Variants in SNX29 observed in about 807,000 individuals in gnomAD.
The protein encoded by SNX29 is sorting nexin-29.
SNX29 carries 78 observed loss-of-function variants against 102.1 expected under a neutral mutation model. That is an observed-to-expected ratio of 0.76 (90% CI 0.64 to 0.92). SNX29 has a LOEUF of 0.92. Among genes scored for constraint, SNX29 ranks in the 40% least tolerant of loss-of-function variants. SNX29 has a pLI of 0.00. For missense variants in SNX29, 1,280 were observed against 1,061.7 expected (o/e 1.21, Z -2.86); for synonymous variants, 580 against 414.5 (o/e 1.40, Z -4.85).
intron 15 of SNX29, among the ~76,000 whole-genome samples, chr16:12,336,234 TG>T (rs1339227691): frequency 1.3e-5 from 2 of 152,156 alleles, no homozygotes; most frequent in Non-Finnish European, 2.9e-5. Context: ...GAGAAAGCTT[TG>T]GTTTGGCGCT....
intron 15 of SNX29, among the ~76,000 whole-genome samples, chr16:12,291,534 A>G (rs978581507): frequency 2.0e-5 from 3 of 152,208 alleles, no homozygotes; most frequent in Non-Finnish European, 4.4e-5. Context: ...CCATATCAGT[A>G]GGTTTTCCTC....
intron 20 of SNX29, among the ~76,000 whole-genome samples, chr16:12,550,900 C>T (rs1488896569): frequency 2.0e-5 from 3 of 152,148 alleles, no homozygotes; most frequent in African/African-American, 7.2e-5. Context: ...AGGGGAAGCT[C>T]AGAATTGCTG....
intron 20 of SNX29, among the ~76,000 whole-genome samples, chr16:12,560,121 G>A (rs993121785): frequency 1.4e-5 from 2 of 147,958 alleles, no homozygotes; most frequent in African/African-American, 5.0e-5. Flanking sequence ...AGCTATTCTA[G>A]TTCTGTGTTC....
chr16:11,986,686 G>A (rs530085293), intron 1 of SNX29, among the ~76,000 whole-genome samples: 16 of 152,256 alleles, frequency 1.1e-4, no homozygotes, highest in African/African-American at 3.4e-4. Flanking sequence ...GCAAAAGACA[G>A]TCAATTCCAT....
chr16:12,229,849 TG>T (rs2077719436), intron 14 of SNX29, among the ~76,000 whole-genome samples: 1 of 152,218 alleles, frequency 6.6e-6, no homozygotes, highest in South Asian at 2.1e-4. Flanking sequence ...AGCTCAGCTC[TG>T]TCTCATACTG....
chr16:12,177,407 TA>T (rs2076284383), intron 13 of SNX29, among the ~76,000 whole-genome samples: 1 of 152,226 alleles, frequency 6.6e-6, no homozygotes, highest in African/African-American at 2.4e-5. Flanking sequence ...ATATGATTTT[TA>T]TGGCTCCATT....
At chr16:12,368,502 C>T (rs762944830) in intron 16 of SNX29, among the ~76,000 whole-genome samples, 6 of 151,968 alleles carry the variant, frequency 3.9e-5, no homozygotes, top group Non-Finnish European at 5.9e-5. Context: ...AGGAAGACTA[C>T]GGAGATGTAG....
At chr16:12,426,101 A>C (rs1439219544) in intron 18 of SNX29, among the ~76,000 whole-genome samples, 1 of 152,036 alleles carries the variant, frequency 6.6e-6, no homozygotes, top group Admixed American at 6.5e-5. Flanking sequence ...TTTTTTAAAA[A>C]GATACAGTAC....
intron 20 of SNX29, among the ~76,000 whole-genome samples, chr16:12,557,909 G>A (rs772534322): frequency 4.6e-5 from 7 of 152,202 alleles, no homozygotes; most frequent in Admixed American, 2.6e-4. Context: ...GGATTCTCAA[G>A]TCGTCAGGGC....
At chr16:12,365,620 G>A (rs2082444540) in intron 16 of SNX29, among the ~76,000 whole-genome samples, 3 of 151,554 alleles carry the variant, frequency 2.0e-5, no homozygotes, top group African/African-American at 7.3e-5. Flanking sequence ...AACCCGGGTG[G>A]CGGAGGTTGC....
chr16:12,048,807 C>G (rs1323286318), intron 7 of SNX29, among the ~76,000 whole-genome samples, 187 bp downstream of exon 7: 1 of 152,152 alleles, frequency 6.6e-6, no homozygotes, highest in Non-Finnish European at 1.5e-5. Flanking sequence ...TACCTAGATG[C>G]GAGAATTGCC....
At chr16:12,482,433 C>G (rs2087991197) in intron 19 of SNX29, among the ~76,000 whole-genome samples, 3 of 152,140 alleles carry the variant, frequency 2.0e-5, no homozygotes, top group African/African-American at 7.2e-5. Flanking sequence ...TCCCAAGTAG[C>G]TGGGACCACA....
intron 15 of SNX29, among the ~76,000 whole-genome samples, chr16:12,315,594 T>TGC (rs1473858294): frequency 6.6e-6 from 1 of 152,120 alleles, no homozygotes; most frequent in African/African-American, 2.4e-5. Flanking sequence ...TGAGACAGTG[T>TGC]AAAGACACCA....
chr16:12,398,299 T>G, intron 16 of SNX29, 147 bp from the exon 17 acceptor site: 2 of 824,110 alleles, frequency 2.4e-6, no homozygotes, highest in African/African-American at 3.4e-5. Flanking sequence ...ACACAATCTC[T>G]TACCGTTTTC....
At chr16:12,239,238 C>G (rs144531778) in intron 14 of SNX29, among the ~76,000 whole-genome samples, 1 of 152,118 alleles carries the variant, frequency 6.6e-6, no homozygotes, top group African/African-American at 2.4e-5. Context: ...ATGTTCATTG[C>G]GTTCATTGTT....
At chr16:12,390,727 C>G (rs529164485) in intron 16 of SNX29, among the ~76,000 whole-genome samples, 24 of 152,024 alleles carry the variant, frequency 1.6e-4, no homozygotes, top group African/African-American at 5.5e-4. Context: ...TTGCAGGATC[C>G]TATTGGAGCT....
intron 14 of SNX29, among the ~76,000 whole-genome samples, chr16:12,275,881 GT>G (rs34099498): frequency 0.062 from 6,373 of 102,958 alleles, 60 homozygotes; most frequent in African/African-American, 0.077. Context: ...CATTTTAATT[GT>G]TTTTTTTTTT....
chr16:12,540,823 A>T (rs1285299066), intron 20 of SNX29, among the ~76,000 whole-genome samples: 1 of 152,210 alleles, frequency 6.6e-6, no homozygotes, highest in Non-Finnish European at 1.5e-5. Flanking sequence ...GAGAAGGGGC[A>T]AAAAGAAACA....
chr16:12,066,075 G>A (rs559439778), intron 9 of SNX29, among the ~76,000 whole-genome samples: 9 of 152,278 alleles, frequency 5.9e-5, no homozygotes, highest in African/African-American at 2.2e-4. Context: ...ACCTGGGACC[G>A]TGTGGACATT....
Sources: gnomAD v4.1 joint callset for allele counts (sites outside exome capture counted in the v4.1 genomes callset) on GRCh38, gnomAD v4.1.1 for gene constraint, MANE v1.5 for transcripts, NCBI Gene and HGNC (gene_info 2026-07-23, HGNC 2026-07-21) for gene names.